DUSP10: variants seen among roughly 807,000 people sequenced by gnomAD.
The protein encoded by DUSP10 is dual specificity phosphatase 10.
A neutral mutation model predicts 30.8 loss-of-function variants in DUSP10; 14 were observed. That is an observed-to-expected ratio of 0.46 (90% CI 0.30 to 0.71). The LOEUF is 0.71. Ranked by LOEUF, DUSP10 falls within the 30% of genes least tolerant of loss-of-function variation. The pLI is 0.08. For missense variants in DUSP10, 550 were observed against 619.4 expected (o/e 0.89, Z 1.19); for synonymous variants, 254 against 250.4 (o/e 1.01, Z -0.14).
intron 2 of DUSP10, among the ~76,000 whole-genome samples, chr1:221,725,169 C>A (rs1661389900): frequency 1.3e-5 from 2 of 152,136 alleles, no homozygotes; most frequent in Admixed American, 1.3e-4. Flanking sequence ...CTAGCTGCAC[C>A]CAGCCAATCA....
Position 221,739,409 on chromosome 1 carries a change from G to A in DUSP10, c.336C>T (p.Cys112=), listed in dbSNP as rs755864933. The change falls in exon 2 of 4, where the codon TGC becomes TGT. Residue 112 remains cysteine (C), a synonymous_variant. Transcript: ENST00000366899. ...TTTAIGTSTT[C]PANQMVNNNE... ...TATTGTTGACCATCTGGTTAGCAGG[G>A]CAGGTGGTAGAGGTTCCGATGGCAG... The A allele has an allele frequency of 1.2e-5, 20 of 1,614,078 alleles. No individual in the cohort carries two copies. Among genetic ancestry groups the A allele is most frequent in the Admixed American group, 8.3e-5 (5 of 60,002 alleles).
intron 2 of DUSP10, among the ~76,000 whole-genome samples, chr1:221,729,519 A>C (rs1661519850): frequency 6.6e-6 from 1 of 152,240 alleles, no homozygotes; most frequent in African/African-American, 2.4e-5. Context: ...AAAATATTTA[A>C]TCTGTTCCTC....
chr1:221,715,553 A>G (rs955604823), intron 2 of DUSP10, among the ~76,000 whole-genome samples: 3 of 152,240 alleles, frequency 2.0e-5, no homozygotes, highest in Non-Finnish European at 4.4e-5. Context: ...TTGAGCTACC[A>G]CAAGTTTAAT....
At chr1:221,739,854 T>C (rs1661898219) in intron 1 of DUSP10, 67 bp from the exon 2 acceptor site, 15 of 1,433,390 alleles carry the variant, frequency 1.0e-5, no homozygotes, top group Non-Finnish European at 1.4e-5. Context: ...TCTCATCCAA[T>C]CCCTGGGAAA....
intron 2 of DUSP10, among the ~76,000 whole-genome samples, chr1:221,725,971 G>A (rs1661412875): frequency 2.0e-5 from 3 of 152,166 alleles, no homozygotes; most frequent in Admixed American, 6.5e-5. Flanking sequence ...GCGCTGAGTG[G>A]TGCTTCCTCA....
chr1:221,726,702 G>GAAA (rs11284226), intron 2 of DUSP10, among the ~76,000 whole-genome samples: 1 of 116,824 alleles, frequency 8.6e-6, no homozygotes, highest in African/African-American at 2.9e-5. Context: ...ACTATTTCAG[G>GAAA]AAAAAAAAAA....
intron 2 of DUSP10, chr1:221,737,415 T>C: frequency 1.0e-6 from 1 of 985,208 alleles, no homozygotes; most frequent in South Asian, 4.7e-5. Flanking sequence ...GGTAAGACAA[T>C]AGCAGGGTAA....
Position 221,738,928 on chromosome 1 carries a change from C to G in DUSP10, c.811+6G>C. ...ACCGTGCTTGGGAAGGGAGCAGGGG[C>G]ATTACCTTTCAACACCAGAGGTTCT... On this transcript the variant is annotated splice_donor_region_variant and intron_variant, in intron 2 of 3. Transcript: ENST00000366899. 1 of 1,598,688 alleles carries G rather than the reference C, an allele frequency of 6.3e-7. No individual in the cohort carries two copies. The highest frequency in any genetic ancestry group is 8.5e-7 in the Non-Finnish European group (1 of 1,171,894).
chr1:221,703,503 G>A (rs1459326418), intron 3 of DUSP10, among the ~76,000 whole-genome samples: 1 of 152,172 alleles, frequency 6.6e-6, no homozygotes, highest in Non-Finnish European at 1.5e-5. Flanking sequence ...GTTAACTAAA[G>A]GCTAGTAGTA....
At chr1:221,736,471 G>T (rs1661775468) in intron 2 of DUSP10, among the ~76,000 whole-genome samples, 1 of 152,118 alleles carries the variant, frequency 6.6e-6, no homozygotes, top group Non-Finnish European at 1.5e-5. Flanking sequence ...ACCAAGGGAG[G>T]GGATTACTCA....
chr1:221,705,767 A>C, intron 3 of DUSP10, among the ~76,000 whole-genome samples: 1 of 152,192 alleles, frequency 6.6e-6, no homozygotes, highest in East Asian at 1.9e-4. Context: ...CCGATTCCTT[A>C]CTTTCCATCC....
In DUSP10 at chr1:221,739,450, C is replaced by A. The variant is rs773122250; in HGVS notation, c.295G>T (p.Ala99Ser). ...CCGATGGCAGTGGTGGTGGTGCCAGCGGCAATGGCTTGGGTTTGGGCCTGA... is the reference window on the plus strand; with the variant it reads ...CCGATGGCAGTGGTGGTGGTGCCAGAGGCAATGGCTTGGGTTTGGGCCTGA... ...DNQAQTQAIA[A>S]GTTTTAIGTS... The change falls in exon 2 of 4, where the codon GCT (alanine) becomes TCT (serine). Residue 99 changes from alanine (A) to serine (S), a missense_variant. Ala to Ser is a moderately conservative substitution (Grantham distance 99). Coordinates refer to ENST00000366899, the MANE Select transcript of DUSP10 (RefSeq NM_007207.6). 7.1e-5 allele frequency: 114 copies of A among 1,614,024 alleles called. No individual in the cohort carries two copies. Among genetic ancestry groups the A allele is most frequent in the Non-Finnish European group, 9.2e-5 (108 of 1,180,048 alleles).
chr1:221,739,545 G>C lies in DUSP10; in HGVS notation c.200C>G (p.Ser67Cys). 6.2e-7 allele frequency: 1 copy of C among 1,614,218 alleles called. No individual in the cohort carries two copies. The change falls in exon 2 of 4, where the codon TCT (serine) becomes TGT (cysteine). Residue 67 changes from serine to cysteine, a missense_variant. Transcript: ENST00000366899. ...NLTYMPSSSG[S>C]ARSLNCGCSS... ...GCATCCACAATTCAGCGAGCGGGCA[G>C]AGCCGCTGGATGAGGGCATATACGT...
intron 2 of DUSP10, among the ~76,000 whole-genome samples, chr1:221,718,634 A>T (rs1382659095): frequency 1.3e-5 from 2 of 152,244 alleles, no homozygotes; most frequent in Non-Finnish European, 2.9e-5. Context: ...AAGTTTAAAT[A>T]ATGAAGCATT....
Position 221,739,346 on chromosome 1 carries a change from C to A in DUSP10, c.399G>T (p.Val133=). ...TGGGGGTCCCTGACACAGGGCTGCC[C>A]ACCCCACTTGATGGACTTAGAGAGC... The part of the protein sequence containing the change: ...NTGSLSPSSG[V]GSPVSGTPKQ... Residue 133 remains valine (V), a synonymous_variant, in exon 2 of 4, where the codon GTG becomes GTT. Coordinates refer to ENST00000366899, the MANE Select transcript of DUSP10 (RefSeq NM_007207.6). 6.2e-7 allele frequency: 1 copy of A among 1,614,002 alleles called. No homozygotes were observed. Among genetic ancestry groups the A allele is most frequent in the South Asian group, 1.1e-5 (1 of 91,072 alleles).
At chr1:221,737,312 C>T (rs908045968) in intron 2 of DUSP10, 4 of 985,300 alleles carry the variant, frequency 4.1e-6, no homozygotes, top group Non-Finnish European at 4.8e-6. Flanking sequence ...CATTGGCTAT[C>T]CTCCTCTTTG....
In DUSP10 at chr1:221,702,782, T is replaced by A. The variant is rs1326767182; in HGVS notation, c.1184-105A>T. Reference sequence around the variant, plus strand: ...TGCAATGCCTTATTTTGTATAGAAATAATGAATTAAAACAGTTTTAAAGCC... The same window carrying A: ...TGCAATGCCTTATTTTGTATAGAAAAAATGAATTAAAACAGTTTTAAAGCC... On this transcript the variant is annotated intron_variant, in intron 3 of 3. Coordinates refer to ENST00000366899, the MANE Select transcript of DUSP10 (RefSeq NM_007207.6). This position sits in a 1 kb window ranked among gnomAD's most constrained non-coding sequence, Gnocchi z 4.5. 3.3e-6 allele frequency: 4 copies of A among 1,227,846 alleles called. No individual in the cohort carries two copies. Among genetic ancestry groups the A allele is most frequent in the Non-Finnish European group, 4.5e-6 (4 of 891,336 alleles). The allele number at this position is 1,227,846 out of a possible 1,614,324, so 76.1% of individuals were successfully genotyped here.
chr1:221,734,234 T>C (rs1362931260), intron 2 of DUSP10, among the ~76,000 whole-genome samples: 1 of 152,236 alleles, frequency 6.6e-6, no homozygotes, highest in African/African-American at 2.4e-5. Context: ...TGGACAGAAT[T>C]ATTATCATGT....
Position 221,702,382 on chromosome 1 carries a change from G to A in DUSP10, c.*30C>T, listed in dbSNP as rs995477904. Reference sequence around the variant, plus strand: ...TCCTTCCTCATTGTCTCCTAATGGAGAGCAGCAATCCTTTCCATCCAGACC... The same window carrying A: ...TCCTTCCTCATTGTCTCCTAATGGAAAGCAGCAATCCTTTCCATCCAGACC... On this transcript the variant is annotated 3_prime_UTR_variant, in exon 4 of 4. Transcript: ENST00000366899. This position sits in a 1 kb window ranked among gnomAD's most constrained non-coding sequence, Gnocchi z 4.5. The A allele has an allele frequency of 1.2e-6, 2 of 1,606,660 alleles. No homozygotes were observed. Among genetic ancestry groups the A allele is most frequent in the East Asian group, 2.2e-5 (1 of 44,748 alleles).
Sources: allele counts gnomAD v4.1 joint callset (sites outside exome capture counted in the v4.1 genomes callset), GRCh38; gene constraint gnomAD v4.1.1; non-coding constraint Gnocchi (gnomAD v3.1); transcripts MANE v1.5; gene names NCBI Gene and HGNC (gene_info 2026-07-23, HGNC 2026-07-21).